EFHC2: variants seen among roughly 807,000 people sequenced by gnomAD.
The protein encoded by EFHC2 is EF-hand domain-containing family member C2.
EFHC2 carries 18 observed loss-of-function variants against 52.7 expected under a neutral mutation model. The observed-to-expected ratio is 0.34, with a 90% CI of 0.24 to 0.51. EFHC2 has a LOEUF of 0.51. Ranked by LOEUF, EFHC2 falls within the 20% of genes least tolerant of loss-of-function variation. The pLI is 0.97. For missense variants in EFHC2, 513 were observed against 562.5 expected (o/e 0.91, Z 0.89); for synonymous variants, 203 against 204.1 (o/e 0.99, Z 0.04).
At chrX:44,258,582 A>G (rs1054342202) in intron 4 of EFHC2, among the ~76,000 whole-genome samples, 7 of 111,601 alleles carry the variant, frequency 6.3e-5, no homozygotes, top group Non-Finnish European at 1.3e-4. Flanking sequence ...ATAAGATACC[A>G]TCTCACGCCA....
chrX:44,279,978 A>ACTG (rs1012349683), intron 2 of EFHC2, among the ~76,000 whole-genome samples: 2 of 106,489 alleles, frequency 1.9e-5, no homozygotes, highest in Non-Finnish European at 3.8e-5. Flanking sequence ...CATTGGCCAC[A>ACTG]CTGTCCACCA....
chrX:44,291,147 G>A (rs1263778032), intron 2 of EFHC2, among the ~76,000 whole-genome samples: 1 of 111,890 alleles, frequency 8.9e-6, no homozygotes, highest in Non-Finnish European at 1.9e-5. Context: ...AATTGGGATT[G>A]TGGAGGTGGG....
chrX:44,209,734 G>C (rs1266162101), intron 11 of EFHC2, among the ~76,000 whole-genome samples: 1 of 108,966 alleles, frequency 9.2e-6, no homozygotes, highest in East Asian at 2.9e-4. Context: ...ATGAGCAGTG[G>C]GTGGGCAAGA....
chrX:44,174,372 G>A lies in EFHC2; in HGVS notation c.2042+1920C>T, dbSNP rs377731840. Among the ~76,000 whole-genome samples, 23 of 110,685 alleles carry A rather than the reference G, an allele frequency of 2.1e-4. No individual in the cohort carries two copies. The South Asian group carries it at 9.0e-3, about 43-fold the overall frequency. On this transcript the variant is annotated intron_variant, in intron 13 of 14. Coordinates refer to ENST00000420999, the MANE Select transcript of EFHC2 (RefSeq NM_025184.4). ...ACAACCCATTGGTTATTTATAGGTG[G>A]TAAATCACACAGAAGCAGTGTCTGC...
At chrX:44,282,996 G>A (rs943430870) in intron 2 of EFHC2, among the ~76,000 whole-genome samples, 1 of 109,983 alleles carries the variant, frequency 9.1e-6, no homozygotes, top group South Asian at 3.9e-4. Context: ...CAGGCTTCCC[G>A]ACTCGGCTTC....
intron 1 of EFHC2, among the ~76,000 whole-genome samples, chrX:44,317,148 C>T (rs1221513017): frequency 1.8e-5 from 2 of 111,803 alleles, no homozygotes; most frequent in African/African-American, 6.5e-5. Flanking sequence ...CACAGCCCTT[C>T]GTATTTATTG....
chrX:44,339,947 A>G (rs1430883228), intron 1 of EFHC2, among the ~76,000 whole-genome samples: 1 of 112,062 alleles, frequency 8.9e-6, no homozygotes, highest in Non-Finnish European at 1.9e-5. Flanking sequence ...TAATTTTGGC[A>G]TATACTAGGA....
chrX:44,185,384 C>T (rs2036866185), intron 11 of EFHC2, among the ~76,000 whole-genome samples: 2 of 111,299 alleles, frequency 1.8e-5, no homozygotes, highest in Admixed American at 1.9e-4. Flanking sequence ...GAATTAGATG[C>T]CCTCTTTCAC....
chrX:44,248,983 G>A (rs1011853727), intron 5 of EFHC2, 67 bp from the exon 6 acceptor site: 11 of 748,026 alleles, frequency 1.5e-5, no homozygotes, highest in Non-Finnish European at 2.1e-5. Context: ...TATAACCCCA[G>A]GGCTGGCATA....
intron 14 of EFHC2, among the ~76,000 whole-genome samples, chrX:44,162,846 C>T (rs1429333294): frequency 9.0e-6 from 1 of 111,228 alleles, no homozygotes; most frequent in African/African-American, 3.3e-5. Flanking sequence ...CACTCCAAAT[C>T]ACGAACGTAC....
intron 11 of EFHC2, among the ~76,000 whole-genome samples, chrX:44,199,174 G>C (rs1346109640): frequency 1.8e-5 from 2 of 112,762 alleles, no homozygotes; most frequent in Non-Finnish European, 3.7e-5. Flanking sequence ...CATCCCCTCA[G>C]TGATGAGTGA....
rs775989742 is a variant in EFHC2, at chrX:44,296,019, G to A, written c.231+16549C>T. Among the ~76,000 whole-genome samples, 4 of 111,119 alleles carry A rather than the reference G, an allele frequency of 3.6e-5. No homozygotes were observed. In the East Asian group the frequency reaches 8.5e-4, roughly 24 times the overall value. On this transcript the variant is annotated intron_variant, in intron 2 of 14. Transcript: ENST00000420999. The stretch of plus-strand genomic sequence containing the variant: ...CAAAAAAGCCTTTTCTCTCTTTTTC[G>A]ATTCTCACGAGTTTCACATTTCATC...
intron 11 of EFHC2, among the ~76,000 whole-genome samples, chrX:44,226,975 A>G (rs2037237892): frequency 9.1e-6 from 1 of 110,480 alleles, no homozygotes; most frequent in African/African-American, 3.3e-5. Flanking sequence ...CAAAAGACAC[A>G]AAAGCAGAGA....
intron 11 of EFHC2, among the ~76,000 whole-genome samples, chrX:44,218,641 CAT>C (rs1211927553): frequency 8.9e-6 from 1 of 112,084 alleles, no homozygotes; most frequent in East Asian, 2.8e-4. Flanking sequence ...TAGAGGGAAA[CAT>C]AGGAGACTAT....
chrX:44,252,859 C>T (rs767424084), intron 4 of EFHC2, among the ~76,000 whole-genome samples: 61 of 111,741 alleles, frequency 5.5e-4, no homozygotes, highest in Non-Finnish European at 1.1e-3. Context: ...CGAATAGGAA[C>T]AGCTCTGGTC....
At chrX:44,155,945 T>C (rs979503659) in intron 14 of EFHC2, among the ~76,000 whole-genome samples, 4 of 112,755 alleles carry the variant, frequency 3.5e-5, no homozygotes, top group African/African-American at 9.7e-5. Context: ...TATATTTCTA[T>C]ACATTTCTGA....
At chrX:44,293,788 C>G (rs1018545053) in intron 2 of EFHC2, among the ~76,000 whole-genome samples, 3 of 112,120 alleles carry the variant, frequency 2.7e-5, no homozygotes, top group African/African-American at 9.7e-5. Context: ...CACAGTTACA[C>G]TGCTGTCCAG....
At chrX:44,249,295 G>A (rs1486850401) in intron 5 of EFHC2, among the ~76,000 whole-genome samples, 1 of 110,989 alleles carries the variant, frequency 9.0e-6, no homozygotes, top group Non-Finnish European at 1.9e-5. Context: ...TATTTGCCTC[G>A]GAAATTAGCA....
Position 44,222,618 on chromosome X carries a change from C to A in EFHC2, c.1751+7031G>T, listed in dbSNP as rs926623109. 2.7e-5 allele frequency among the ~76,000 whole-genome samples: 3 copies of A among 111,467 alleles called. No individual in the cohort carries two copies. In the South Asian group the frequency reaches 1.1e-3, roughly 42 times the overall value. ...AAACAATATTTTCAAAGTACTAAAA[C>A]TAGGTAGGTGCTTTGTCCCTGTTGT... is the stretch of plus-strand genomic sequence containing the variant. On this transcript the variant is annotated intron_variant, in intron 11 of 14. Transcript: ENST00000420999.
Sources: allele counts gnomAD v4.1 joint callset (sites outside exome capture counted in the v4.1 genomes callset), GRCh38; gene constraint gnomAD v4.1.1; transcripts MANE v1.5; gene names NCBI Gene and HGNC (gene_info 2026-07-23, HGNC 2026-07-21).